BMPR1B: variants seen among roughly 807,000 people sequenced by gnomAD.
BMPR1B encodes the protein bone morphogenetic protein receptor type 1B, also known as bone morphogenetic protein receptor type-1B.
BMPR1B carries 12 observed loss-of-function variants against 59.1 expected under a neutral mutation model. That is an observed-to-expected ratio of 0.20 (90% CI 0.13 to 0.33). BMPR1B has a LOEUF of 0.33. Ranked by LOEUF, BMPR1B falls within the 10% of genes least tolerant of loss-of-function variation. The pLI is 1.00. For missense variants in BMPR1B, 550 were observed against 610.9 expected (o/e 0.90, Z 1.05); for synonymous variants, 237 against 207.3 (o/e 1.14, Z -1.23).
chr4:94,764,091 GTTTTGCCCCA>G (rs1451670983), intron 1 of BMPR1B, among the ~76,000 whole-genome samples: 1 of 152,000 alleles, frequency 6.6e-6, no homozygotes, highest in African/African-American at 2.4e-5. Context: ...TGAATATTCT[GTTTTGCCCCA>G]TTTTGCCAAA....
chr4:94,869,677 ATG>A (rs1328932463), intron 1 of BMPR1B, among the ~76,000 whole-genome samples: 1 of 152,222 alleles, frequency 6.6e-6, no homozygotes, highest in Non-Finnish European at 1.5e-5. Context: ...ATAAAATAAA[ATG>A]TGACTGTGTT....
At chr4:95,054,948 C>T (rs1726804927) in intron 3 of BMPR1B, among the ~76,000 whole-genome samples, 1 of 152,052 alleles carries the variant, frequency 6.6e-6, no homozygotes, top group South Asian at 2.1e-4. Context: ...TATAATTTTT[C>T]CCCTATAAAA....
chr4:94,770,778 T>G (rs1722156309), intron 1 of BMPR1B, among the ~76,000 whole-genome samples: 1 of 151,616 alleles, frequency 6.6e-6, no homozygotes, highest in African/African-American at 2.4e-5. Context: ...ATAACTTTTG[T>G]GGTAGTACCT....
rs373876216 is a variant in BMPR1B, at chr4:94,764,833, A to G, written c.-183+6765A>G. 4.9e-4 allele frequency among the ~76,000 whole-genome samples: 74 copies of G among 152,358 alleles called. 1 individual carries two copies. Among genetic ancestry groups the G allele is most frequent in the African/African-American group, 1.7e-3 (71 of 41,584 alleles). On this transcript the variant is annotated intron_variant, in intron 1 of 12. Coordinates refer to ENST00000515059, the MANE Select transcript of BMPR1B (RefSeq NM_001203.3). ...GTGCATCTTTATAGATTCACTGTTT[A>G]GGACCAGGCACTGTACTAGGCATTG...
At chr4:94,960,424 T>C (rs1730310568) in intron 2 of BMPR1B, among the ~76,000 whole-genome samples, 1 of 152,150 alleles carries the variant, frequency 6.6e-6, no homozygotes, top group Non-Finnish European at 1.5e-5. Flanking sequence ...CATCGGTTTC[T>C]TATATAGTCA....
Position 95,130,017 on chromosome 4 carries a change from A to G in BMPR1B, c.741A>G (p.Ile247Met), listed in dbSNP as rs1270927104. The G allele has an allele frequency of 6.2e-7, 1 of 1,613,954 alleles. No homozygotes were observed. The highest frequency in any genetic ancestry group is 8.5e-7 in the Non-Finnish European group (1 of 1,179,878). ...EEASWFRETE[I>M]YQTVLMRHEN... ...CCAGCTGGTTCAGAGAGACAGAAATATATCAGACAGTGTTGATGAGGCATG... is the reference window on the plus strand; with the variant it reads ...CCAGCTGGTTCAGAGAGACAGAAATGTATCAGACAGTGTTGATGAGGCATG... The change falls in exon 9 of 13, where the codon ATA becomes ATG. Residue 247 changes from isoleucine to methionine, a missense_variant. Coordinates refer to ENST00000515059, the MANE Select transcript of BMPR1B (RefSeq NM_001203.3).
chr4:94,912,920 C>T (rs1265370535), intron 2 of BMPR1B, among the ~76,000 whole-genome samples: 2 of 152,016 alleles, frequency 1.3e-5, no homozygotes, highest in Non-Finnish European at 2.9e-5. Flanking sequence ...CTTTCATGTA[C>T]ACCATTCTGA....
chr4:94,827,080 A>G (rs1333296332), intron 1 of BMPR1B, among the ~76,000 whole-genome samples: 2 of 152,150 alleles, frequency 1.3e-5, no homozygotes, highest in Non-Finnish European at 2.9e-5. Flanking sequence ...CATTAGGGGA[A>G]TACTGTTTCC....
chr4:95,129,160 A>C (rs991111529), intron 8 of BMPR1B, among the ~76,000 whole-genome samples: 1 of 152,178 alleles, frequency 6.6e-6, no homozygotes, highest in Admixed American at 6.5e-5. Flanking sequence ...TTTCCTCAAG[A>C]GAGAGCATTT....
chr4:95,077,204 G>T (rs952094073), intron 3 of BMPR1B, among the ~76,000 whole-genome samples: 4 of 152,078 alleles, frequency 2.6e-5, no homozygotes, highest in African/African-American at 9.7e-5. Context: ...CTGGGAAAAA[G>T]AGAAATCAAA....
At chr4:94,793,054 A>G (rs1363870677) in intron 1 of BMPR1B, among the ~76,000 whole-genome samples, 1 of 151,798 alleles carries the variant, frequency 6.6e-6, no homozygotes, top group Non-Finnish European at 1.5e-5. Context: ...TTTAGGGTAC[A>G]TGTGCACATT....
chr4:95,155,417 C>T lies in BMPR1B; in HGVS notation c.*744C>T, dbSNP rs943089166. 1.5e-4 allele frequency: 20 copies of T among 136,708 alleles called. No individual in the cohort carries two copies. Among genetic ancestry groups the T allele is most frequent in the Middle Eastern group, 4.3e-3 (1 of 234 alleles). 8.5% of individuals were successfully genotyped at this position (136,708 alleles called of 1,614,324 possible). ...GTGTTCTTCAGATCCACTTCTGTTTCTGATTGAGTTAGGCATCTCTTTCAT... is the reference window on the plus strand; with the variant it reads ...GTGTTCTTCAGATCCACTTCTGTTTTTGATTGAGTTAGGCATCTCTTTCAT... On this transcript the variant is annotated 3_prime_UTR_variant, in exon 13 of 13. Coordinates refer to ENST00000515059, the MANE Select transcript of BMPR1B (RefSeq NM_001203.3).
In BMPR1B at chr4:94,998,643, G is replaced by A. The variant is rs368559419; in HGVS notation, c.-18+2509G>A. Among the ~76,000 whole-genome samples, 4 of 152,230 alleles carry A rather than the reference G, an allele frequency of 2.6e-5. No homozygotes were observed. The East Asian group carries it at 7.7e-4, about 29-fold the overall frequency. On this transcript the variant is annotated intron_variant, in intron 3 of 12. Coordinates refer to ENST00000515059, the MANE Select transcript of BMPR1B (RefSeq NM_001203.3). ...CTGTCTCGGCCTCCCAAAGTGCTGGGATTACAGGTGTGAGCCACCACGCCC... is the reference window on the plus strand; with the variant it reads ...CTGTCTCGGCCTCCCAAAGTGCTGGAATTACAGGTGTGAGCCACCACGCCC...
At chr4:95,135,762 G>T (rs953106008) in intron 10 of BMPR1B, among the ~76,000 whole-genome samples, 1 of 152,158 alleles carries the variant, frequency 6.6e-6, no homozygotes, top group Admixed American at 6.5e-5. Flanking sequence ...GAGATTTTGG[G>T]CTGAGATGAT....
chr4:94,801,678 G>A (rs1050496922), intron 1 of BMPR1B, among the ~76,000 whole-genome samples: 1 of 152,114 alleles, frequency 6.6e-6, no homozygotes, highest in African/African-American at 2.4e-5. Flanking sequence ...CCAGGGTTCT[G>A]CAACTAATAA....
intron 3 of BMPR1B, among the ~76,000 whole-genome samples, chr4:94,999,422 T>TTG (rs1178639959): frequency 4.6e-5 from 6 of 131,378 alleles, no homozygotes; most frequent in African/African-American, 8.2e-5. Context: ...CCAATCAGTG[T>TTG]TGTGCGTGTG....
intron 12 of BMPR1B, 46 bp downstream of exon 12, chr4:95,152,819 A>G (rs371630044): frequency 3.5e-5 from 56 of 1,600,018 alleles, no homozygotes; most frequent in East Asian, 3.2e-4. Flanking sequence ...TTCTAAATAG[A>G]CTTTTCTTTT....
At chr4:94,955,181 T>A (rs868070858) in intron 2 of BMPR1B, among the ~76,000 whole-genome samples, 4 of 152,234 alleles carry the variant, frequency 2.6e-5, no homozygotes, top group Non-Finnish European at 5.9e-5. Flanking sequence ...ATAACTAGTG[T>A]TAGCTGAAGA....
intron 3 of BMPR1B, among the ~76,000 whole-genome samples, chr4:95,008,006 T>G (rs1722970668): frequency 6.6e-6 from 1 of 152,198 alleles, no homozygotes; most frequent in South Asian, 2.1e-4. Flanking sequence ...GCAGAACACC[T>G]GTATTGAGCT....
Sources: gnomAD v4.1 joint callset for allele counts (sites outside exome capture counted in the v4.1 genomes callset) on GRCh38, gnomAD v4.1.1 for gene constraint, MANE v1.5 for transcripts, NCBI Gene and HGNC (gene_info 2026-07-23, HGNC 2026-07-21) for gene names.